The following TRPV1 variants were observed in gnomAD, a reference collection of about 807,000 sequenced individuals.
TRPV1 encodes transient receptor potential cation channel subfamily V member 1.
TRPV1 carries 82 observed loss-of-function variants against 82.3 expected under a neutral mutation model. The observed-to-expected ratio is 1.00, with a 90% CI of 0.83 to 1.20. The LOEUF (loss-of-function observed/expected upper bound fraction) is 1.20, where lower values mean the gene tolerates loss of function less well. Among genes scored for constraint, TRPV1 ranks in the 50% most tolerant of loss-of-function variants. The pLI is 0.00. For missense variants in TRPV1, 1,067 were observed against 1,096.8 expected (o/e 0.97, Z 0.38); for synonymous variants, 515 against 467.7 (o/e 1.10, Z -1.30).
At chr17:3,594,324 CTTT>C (rs79268135) in intron 2 of TRPV1, among the ~76,000 whole-genome samples, 3 of 137,502 alleles carry the variant, frequency 2.2e-5, no homozygotes, top group Non-Finnish European at 3.2e-5. Flanking sequence ...CCTGCATTTT[CTTT>C]TTTTTTTTTT....
At chr17:3,569,070 G>C (rs1349165581) in intron 16 of TRPV1, among the ~76,000 whole-genome samples, 1 of 150,794 alleles carries the variant, frequency 6.6e-6, no homozygotes, top group Admixed American at 6.7e-5. Flanking sequence ...TGAACAATGA[G>C]AACACTCAGA....
At chr17:3,597,335 C>T (rs1476661830) in intron 2 of TRPV1, among the ~76,000 whole-genome samples, 1 of 152,184 alleles carries the variant, frequency 6.6e-6, no homozygotes, top group Non-Finnish European at 1.5e-5. Context: ...GTGGCTCCTG[C>T]CCCCGGAGGT....
intron 14 of TRPV1, among the ~76,000 whole-genome samples, 196 bp from the exon 15 acceptor site, chr17:3,572,445 C>T (rs2074867751): frequency 6.6e-6 from 1 of 152,208 alleles, no homozygotes; most frequent in South Asian, 2.1e-4. Flanking sequence ...CACAGCCCAG[C>T]CAGCCCAGAC....
In TRPV1 at chr17:3,573,835, G is replaced by A; in HGVS notation, c.1901C>T (p.Thr634Ile). 6.2e-7 allele frequency: 1 copy of A among 1,613,780 alleles called. No individual in the cohort carries two copies. Among genetic ancestry groups the A allele is most frequent in the Non-Finnish European group, 8.5e-7 (1 of 1,179,864 alleles). The change falls in exon 14 of 17, where the codon ACC becomes ATC. Residue 634 changes from threonine to isoleucine, a missense_variant. Coordinates refer to ENST00000572705, the MANE Select transcript of TRPV1 (RefSeq NM_080704.4). ...PDSSYNSLYS[T>I]CLELFKFTIG... The stretch of plus-strand genomic sequence containing the variant: ...GGTGAACTTGAACAGCTCCAGGCAG[G>A]TGGAGTACAGGCTGTTGTAGGAGCT...
chr17:3,577,850 G>A, intron 11 of TRPV1, 87 bp from the exon 12 acceptor site: 1 of 1,334,116 alleles, frequency 7.5e-7, no homozygotes, highest in Non-Finnish European at 1.0e-6. Flanking sequence ...CCGCTCAGAG[G>A]TCCAGACTGC....
intron 2 of TRPV1, among the ~76,000 whole-genome samples, chr17:3,606,662 A>G (rs940256225): frequency 3.3e-5 from 5 of 152,138 alleles, no homozygotes; most frequent in Admixed American, 6.5e-5. Flanking sequence ...AGCTGCACTC[A>G]TCCCCCACCT....
intron 9 of TRPV1, 28 bp from the exon 10 acceptor site, chr17:3,583,458 C>A: frequency 6.5e-7 from 1 of 1,534,204 alleles, no homozygotes. Context: ...GTTGGTAACT[C>A]CATTTACTCA....
At chr17:3,568,248 G>T (rs2074801130) in intron 16 of TRPV1, among the ~76,000 whole-genome samples, 1 of 151,738 alleles carries the variant, frequency 6.6e-6, no homozygotes, top group South Asian at 2.1e-4. Context: ...CGTGAACCCG[G>T]GAGGTGGAGC....
intron 2 of TRPV1, among the ~76,000 whole-genome samples, chr17:3,605,781 C>CG (rs926955260): frequency 6.6e-6 from 1 of 151,866 alleles, no homozygotes; most frequent in African/African-American, 2.4e-5. Context: ...GGAAATTCAA[C>CG]GGGGGGCAGT....
chr17:3,577,493 C>A (rs2150832580), intron 12 of TRPV1, 105 bp downstream of exon 12: 1 of 1,386,204 alleles, frequency 7.2e-7, no homozygotes, highest in East Asian at 2.5e-5. Context: ...AAACCAGCCC[C>A]TTCCCAGGCA....
rs1447579699 is a variant in TRPV1 at position 3,584,402 on chromosome 17, C to CAAAAAAAA, written c.1384-980_1384-973dup. On this transcript the variant is annotated intron_variant, in intron 9 of 16. Coordinates refer to ENST00000572705, the MANE Select transcript of TRPV1 (RefSeq NM_080704.4). The stretch of plus-strand genomic sequence containing the variant: ...TGGAAAACAGAGAGAGACTCTGTCT[C>CAAAAAAAA]AAAAAAAAAAAAAATAAAATAAAAA... 3.5e-3 allele frequency among the ~76,000 whole-genome samples: 58 copies of CAAAAAAAA among 16,770 alleles called. 6 individuals carry two copies. Among genetic ancestry groups the CAAAAAAAA allele is most frequent in the Non-Finnish European group, 5.3e-3 (44 of 8,272 alleles). 11.0% of individuals were successfully genotyped at this position (16,770 alleles called of 152,430 possible). A position where few individuals can be genotyped will look rare whatever the true frequency, so the allele number is the denominator to read the frequency against.
At chr17:3,604,817 G>A (rs2075286858) in intron 2 of TRPV1, among the ~76,000 whole-genome samples, 2 of 151,918 alleles carry the variant, frequency 1.3e-5, no homozygotes, top group Admixed American at 6.6e-5. Flanking sequence ...ACAGCCTCCT[G>A]TCTCCCAGAA....
intron 7 of TRPV1, among the ~76,000 whole-genome samples, chr17:3,589,286 C>T (rs1231967339): frequency 6.6e-6 from 1 of 151,504 alleles, no homozygotes; most frequent in African/African-American, 2.4e-5. Context: ...GGCTCACTGC[C>T]ACCTCCGCCT....
intron 3 of TRPV1, 117 bp from the exon 4 acceptor site, chr17:3,591,470 G>T (rs2075157086): frequency 3.2e-6 from 4 of 1,240,526 alleles, no homozygotes; most frequent in Non-Finnish European, 4.4e-6. Context: ...GGGGAAAAAT[G>T]ATATAAAAGC....
intron 8 of TRPV1, among the ~76,000 whole-genome samples, chr17:3,587,541 T>G (rs1190064992): frequency 1.3e-5 from 2 of 152,178 alleles, no homozygotes; most frequent in African/African-American, 4.8e-5. Context: ...GTTCTTGGCC[T>G]GGCGCAGTGG....
At chr17:3,584,491 G>A (rs896173967) in intron 9 of TRPV1, among the ~76,000 whole-genome samples, 1 of 150,516 alleles carries the variant, frequency 6.6e-6, no homozygotes, top group African/African-American at 2.4e-5. Context: ...CAATTATGAA[G>A]TTGAGTTTTT....
chr17:3,592,371 C>A lies in TRPV1; in HGVS notation c.-21G>T, dbSNP rs200267147. 17 of 1,574,186 alleles carry A rather than the reference C, an allele frequency of 1.1e-5. No homozygotes were observed. Among genetic ancestry groups the A allele is most frequent in the Non-Finnish European group, 1.2e-5 (14 of 1,160,012 alleles). On this transcript the variant is annotated 5_prime_UTR_variant, in exon 3 of 17. Transcript: ENST00000572705. The stretch of plus-strand genomic sequence containing the variant: ...TTCATCCTTGCTGGATCCTCTGTGG[C>A]CCAGTGTGCAACCTGCAGCAGCCAC...
In TRPV1 at chr17:3,583,374, C is replaced by T. The variant is rs750537225; in HGVS notation, c.1440G>A (p.Leu480=). Reference sequence around the variant, plus strand: ...AGAAGTAGACTCCTCCTAACACAGACAGGATCTCTCCAGTAACTCGGAAAT... The same window carrying T: ...AGAAGTAGACTCCTCCTAACACAGATAGGATCTCTCCAGTAACTCGGAAAT... ...GDYFRVTGEI[L]SVLGGVYFFF... The change falls in exon 10 of 17, where the codon CTG becomes CTA. Residue 480 remains leucine (L), a synonymous_variant. Transcript: ENST00000572705. The T allele has an allele frequency of 1.4e-5, 22 of 1,610,474 alleles. No homozygotes were observed. In the Admixed American group the frequency reaches 1.7e-4, roughly 12 times the overall value.
intron 10 of TRPV1, among the ~76,000 whole-genome samples, chr17:3,581,624 C>T (rs1007728741): frequency 4.6e-5 from 7 of 152,160 alleles, no homozygotes; most frequent in Admixed American, 1.3e-4. Flanking sequence ...CAGTGGCTCA[C>T]GCCTGTAATC....
Sources: gnomAD v4.1 joint callset for allele counts (sites outside exome capture counted in the v4.1 genomes callset) on GRCh38, gnomAD v4.1.1 for gene constraint, MANE v1.5 for transcripts, NCBI Gene and HGNC (gene_info 2026-07-23, HGNC 2026-07-21) for gene names.